The following PTAFR variants were observed in gnomAD, a reference collection of about 807,000 sequenced individuals.
The protein encoded by PTAFR is platelet activating factor receptor.
A neutral mutation model predicts 14.7 loss-of-function variants in PTAFR; 8 were observed. The observed-to-expected ratio is 0.54, with a 90% CI of 0.32 to 0.98. The LOEUF (loss-of-function observed/expected upper bound fraction) is 0.98. Ranked by LOEUF, PTAFR falls within the 50% of genes least tolerant of loss-of-function variation. The pLI is 0.04. For missense variants in PTAFR, 337 were observed against 451.2 expected (o/e 0.75, Z 2.29); for synonymous variants, 156 against 176.5 (o/e 0.88, Z 0.92).
intron 1 of PTAFR, among the ~76,000 whole-genome samples, chr1:28,168,045 G>A (rs1319512744): frequency 4.7e-5 from 6 of 126,410 alleles, no homozygotes; most frequent in South Asian, 2.7e-4. Flanking sequence ...TGCAAGCTCC[G>A]CCTCCCGGGT....
At chr1:28,161,490 G>C (rs1646322784) in intron 1 of PTAFR, among the ~76,000 whole-genome samples, 1 of 152,182 alleles carries the variant, frequency 6.6e-6, no homozygotes, top group Non-Finnish European at 1.5e-5. Flanking sequence ...CATGAAGATA[G>C]GGTAGATGGC....
At chr1:28,155,487 C>T (rs963753898) in intron 1 of PTAFR, among the ~76,000 whole-genome samples, 2 of 152,120 alleles carry the variant, frequency 1.3e-5, no homozygotes, top group South Asian at 2.1e-4. Flanking sequence ...GGATTACAGG[C>T]GTGAGCCATC....
rs780176624 is a variant in PTAFR at position 28,150,056 on chromosome 1, C to T, written c.966G>A (p.Thr322=). 5.4e-5 allele frequency: 87 copies of T among 1,614,030 alleles called. No homozygotes were observed. The highest frequency in any genetic ancestry group is 1.2e-4 in the Admixed American group (7 of 59,990). ...RSSRKCSRAT[T]DTVTEVVVPF... Reference sequence around the variant, plus strand: ...GCACAACCACTTCAGTGACCGTATCCGTGGTGGCCCGGGAGCATTTCCGGC... The same window carrying T: ...GCACAACCACTTCAGTGACCGTATCTGTGGTGGCCCGGGAGCATTTCCGGC... The change falls in exon 2 of 2, where the codon ACG becomes ACA. Residue 322 remains threonine (T), a synonymous_variant. Transcript: ENST00000373857. This position sits in a 1 kb window ranked among gnomAD's most constrained non-coding sequence, Gnocchi z 6.3.
chr1:28,151,693 G>A (rs1344175882), intron 1 of PTAFR, among the ~76,000 whole-genome samples: 2 of 151,918 alleles, frequency 1.3e-5, no homozygotes, highest in African/African-American at 4.8e-5. Context: ...TCTTTAAAAA[G>A]GGGCTCAAGG....
At chr1:28,158,348 C>T (rs1453937763) in intron 1 of PTAFR, among the ~76,000 whole-genome samples, 2 of 152,098 alleles carry the variant, frequency 1.3e-5, no homozygotes, top group Non-Finnish European at 2.9e-5. Context: ...TCTAAAGGAA[C>T]GTGAGACATT....
chr1:28,179,157 G>T (rs1646542649), upstream of PTAFR, among the ~76,000 whole-genome samples: 1 of 152,066 alleles, frequency 6.6e-6, no homozygotes, highest in African/African-American at 2.4e-5. Context: ...CCTCAACTCT[G>T]CTCCCCAGCC....
chr1:28,180,073 C>T (rs1340073136), upstream of PTAFR, among the ~76,000 whole-genome samples: 1 of 152,188 alleles, frequency 6.6e-6, no homozygotes, highest in Non-Finnish European at 1.5e-5. Flanking sequence ...CTTTGGGAAG[C>T]TGAGGCGGAA....
intron 1 of PTAFR, among the ~76,000 whole-genome samples, chr1:28,192,648 G>T (rs76874538): frequency 0.014 from 2,033 of 146,160 alleles, 43 homozygotes; most frequent in African/African-American, 0.041. Context: ...TTTTTTTTTT[G>T]TTTGTTTGTT....
intron 1 of PTAFR, among the ~76,000 whole-genome samples, chr1:28,175,432 A>G (rs1344366201): frequency 6.7e-6 from 1 of 150,068 alleles, no homozygotes; most frequent in African/African-American, 2.5e-5. Flanking sequence ...TCCCCAACAC[A>G]CCTCCCACCC....
At chr1:28,170,367 C>T (rs981047935) in intron 1 of PTAFR, among the ~76,000 whole-genome samples, 3 of 152,100 alleles carry the variant, frequency 2.0e-5, no homozygotes, top group Non-Finnish European at 2.9e-5. Flanking sequence ...CTCTTAGATT[C>T]GCTGGGGCCA....
upstream of PTAFR, among the ~76,000 whole-genome samples, chr1:28,179,356 G>A (rs537990262): frequency 6.6e-6 from 1 of 152,268 alleles, no homozygotes; most frequent in South Asian, 2.1e-4. Flanking sequence ...TTCCATGCGC[G>A]CATGTGGCAA....
intron 1 of PTAFR, among the ~76,000 whole-genome samples, chr1:28,192,092 AT>A (rs1553166741): frequency 6.6e-6 from 1 of 150,800 alleles, no homozygotes; most frequent in Admixed American, 6.6e-5. Context: ...ATAGTAAAAC[AT>A]TTAAAAAAAA....
chr1:28,186,991 A>G (rs954191922), intron 1 of PTAFR, among the ~76,000 whole-genome samples: 4 of 151,798 alleles, frequency 2.6e-5, no homozygotes, highest in Non-Finnish European at 4.4e-5. Context: ...GGGTCTCACT[A>G]TGTTGCACAG....
At chr1:28,157,752 C>T (rs1217385368) in intron 1 of PTAFR, among the ~76,000 whole-genome samples, 1 of 151,886 alleles carries the variant, frequency 6.6e-6, no homozygotes, top group Non-Finnish European at 1.5e-5. Context: ...CCTCAGCCTC[C>T]CGAGTGGCTG....
chr1:28,168,943 C>G (rs1646422654), intron 1 of PTAFR, among the ~76,000 whole-genome samples: 2 of 152,084 alleles, frequency 1.3e-5, no homozygotes, highest in South Asian at 4.1e-4. Flanking sequence ...GCTGGGATTA[C>G]CAGCATGAGC....
At chr1:28,158,736 A>G (rs1646293626) in intron 1 of PTAFR, among the ~76,000 whole-genome samples, 1 of 152,026 alleles carries the variant, frequency 6.6e-6, no homozygotes, top group African/African-American at 2.4e-5. Context: ...GATGGGTCCT[A>G]GAGGTTAGTC....
At chr1:28,173,071 C>T (rs1364636447) in intron 1 of PTAFR, among the ~76,000 whole-genome samples, 1 of 137,304 alleles carries the variant, frequency 7.3e-6, no homozygotes, top group Non-Finnish European at 1.5e-5. Flanking sequence ...AAGTTCAAGA[C>T]CAGCCTGGGA....
intron 1 of PTAFR, among the ~76,000 whole-genome samples, chr1:28,191,752 CTTT>C (rs570632098): frequency 1.4e-5 from 2 of 144,100 alleles, no homozygotes; most frequent in Non-Finnish European, 3.1e-5. Context: ...AACTCTCTCT[CTTT>C]TTTTTTTTTA....
chr1:28,183,635 A>G (rs938374002), intron 1 of PTAFR, among the ~76,000 whole-genome samples: 1 of 152,072 alleles, frequency 6.6e-6, no homozygotes, highest in Non-Finnish European at 1.5e-5. Context: ...TCTTCAAAAT[A>G]TGTGTGTGTG....
Sources: allele counts gnomAD v4.1 joint callset (sites outside exome capture counted in the v4.1 genomes callset), GRCh38; gene constraint gnomAD v4.1.1; non-coding constraint Gnocchi (gnomAD v3.1); transcripts MANE v1.5; gene names NCBI Gene and HGNC (gene_info 2026-07-23, HGNC 2026-07-21).